The following PTPRN2 variants were observed in gnomAD, a reference collection of about 807,000 sequenced individuals.
The protein encoded by PTPRN2 is protein tyrosine phosphatase receptor type N2.
Under a neutral mutation model 118.8 loss-of-function variants are expected in PTPRN2, and 74 were observed. That is an observed-to-expected ratio of 0.62 (90% CI 0.52 to 0.76). PTPRN2 has a LOEUF of 0.76. PTPRN2 is among the 30% of genes least tolerant of loss of function. The pLI, the probability that PTPRN2 is intolerant of heterozygous loss-of-function variation, is 0.00. For synonymous variants in PTPRN2, 641 were observed against 608.0 expected, an observed-to-expected ratio of 1.05 and a Z score of -0.80; for missense variants, 1,481 against 1,394.4, an observed-to-expected ratio of 1.06 and a Z score of -0.99.
chr7:158,050,132 G>A (rs146351786), intron 11 of PTPRN2, among the ~76,000 whole-genome samples: 5 of 152,304 alleles, frequency 3.3e-5, no homozygotes, highest in African/African-American at 1.2e-4. Context: ...GTACATCAAA[G>A]TCAGAATGCT....
intron 11 of PTPRN2, chr7:158,031,250 C>G (rs1190396222): frequency 6.6e-6 from 1 of 152,176 alleles, no homozygotes; most frequent in Non-Finnish European, 1.5e-5. Context: ...TCGATCTCAC[C>G]GTGATGGAGA....
chr7:158,496,141 G>T (rs1275899770), intron 1 of PTPRN2, among the ~76,000 whole-genome samples: 1 of 151,736 alleles, frequency 6.6e-6, no homozygotes, highest in East Asian at 2.0e-4. Flanking sequence ...ACATGAGAGG[G>T]ACTGACTGCT....
intron 10 of PTPRN2, among the ~76,000 whole-genome samples, chr7:158,107,808 T>C (rs1364370874): frequency 5.9e-5 from 9 of 151,750 alleles, no homozygotes; most frequent in Admixed American, 5.9e-4. Context: ...CCCATGAACA[T>C]GCCCCCTCTT....
chr7:158,052,197 A>C (rs1364670935), intron 11 of PTPRN2, among the ~76,000 whole-genome samples: 1 of 152,212 alleles, frequency 6.6e-6, no homozygotes, highest in African/African-American at 2.4e-5. Context: ...TACGGGAGGA[A>C]ATGTTTTTGT....
At chr7:158,016,111 G>A (rs1375943204) in intron 11 of PTPRN2, among the ~76,000 whole-genome samples, 4 of 152,206 alleles carry the variant, frequency 2.6e-5, no homozygotes, top group African/African-American at 9.7e-5. Flanking sequence ...CTCGTAATCA[G>A]CAAATCAACA....
At chr7:157,797,576 C>T (rs904644353) in intron 12 of PTPRN2, among the ~76,000 whole-genome samples, 7 of 152,138 alleles carry the variant, frequency 4.6e-5, no homozygotes, top group African/African-American at 1.4e-4. Context: ...TTCCAAGGCC[C>T]GGACGGGAGG....
chr7:158,201,291 G>C (rs750423224), intron 4 of PTPRN2, among the ~76,000 whole-genome samples: 2 of 152,094 alleles, frequency 1.3e-5, no homozygotes, highest in Non-Finnish European at 2.9e-5. Flanking sequence ...ACTAAGCTCT[G>C]ATTTTTTCTC....
rs566596138 is a variant in PTPRN2, at chr7:158,100,283, C to G, written c.1643+10546G>C. 1.5e-3 allele frequency among the ~76,000 whole-genome samples: 216 copies of G among 147,456 alleles called. 1 individual carries two copies. Among genetic ancestry groups the G allele is most frequent in the African/African-American group, 4.8e-3 (190 of 39,644 alleles). On this transcript the variant is annotated intron_variant, in intron 10 of 22. Coordinates refer to ENST00000389418, the MANE Select transcript of PTPRN2 (RefSeq NM_002847.5). ...TGTGTGTGTGTGTGTGTGTGTGCCA[C>G]GATTTCTTTATCTACTCATTGATTG...
intron 21 of PTPRN2, among the ~76,000 whole-genome samples, chr7:157,558,303 G>A (rs753692925): frequency 2.6e-5 from 4 of 152,106 alleles, no homozygotes; most frequent in Non-Finnish European, 5.9e-5. Context: ...GGAGCAGCAC[G>A]AGAGCCCCAA....
chr7:158,371,715 G>A (rs866302605), intron 2 of PTPRN2, among the ~76,000 whole-genome samples: 46 of 152,062 alleles, frequency 3.0e-4, no homozygotes, highest in African/African-American at 1.0e-3. Context: ...ATTCATATGC[G>A]GAAAACCGTT....
chr7:158,004,409 A>G (rs1805504459), intron 11 of PTPRN2, among the ~76,000 whole-genome samples: 1 of 152,230 alleles, frequency 6.6e-6, no homozygotes, highest in South Asian at 2.1e-4. Flanking sequence ...TTAAAAAACC[A>G]GCAGATTAAA....
At chr7:157,584,169 G>A (rs1390986924) in intron 17 of PTPRN2, among the ~76,000 whole-genome samples, 1 of 152,156 alleles carries the variant, frequency 6.6e-6, no homozygotes, top group Non-Finnish European at 1.5e-5. Flanking sequence ...ATAGTGAAAC[G>A]CCAGGCCATT....
At chr7:158,197,935 C>T (rs1391125918) in intron 4 of PTPRN2, among the ~76,000 whole-genome samples, 4 of 152,158 alleles carry the variant, frequency 2.6e-5, no homozygotes, top group African/African-American at 9.7e-5. Context: ...AACAATATCA[C>T]TTTTCAAGTT....
intron 2 of PTPRN2, among the ~76,000 whole-genome samples, chr7:158,325,603 G>A (rs1183620327): frequency 3.9e-5 from 6 of 152,204 alleles, no homozygotes; most frequent in African/African-American, 9.7e-5. Flanking sequence ...TCAGAACAAA[G>A]TTCTTGAATT....
At chr7:157,988,595 C>T (rs969532619) in intron 11 of PTPRN2, among the ~76,000 whole-genome samples, 5 of 152,208 alleles carry the variant, frequency 3.3e-5, no homozygotes, top group African/African-American at 7.2e-5. Context: ...GTGAGTCAGA[C>T]GGGTGCAAAC....
chr7:158,042,884 T>A (rs1339570027), intron 11 of PTPRN2, among the ~76,000 whole-genome samples: 3 of 152,246 alleles, frequency 2.0e-5, no homozygotes, highest in Non-Finnish European at 4.4e-5. Flanking sequence ...TGTATTATGC[T>A]GTTTTCATAA....
Position 158,525,832 on chromosome 7 carries a change from T to C in PTPRN2, c.113-36047A>G, listed in dbSNP as rs1824734766. Among the ~76,000 whole-genome samples, 1 of 152,108 alleles carries C rather than the reference T, an allele frequency of 6.6e-6. No individual in the cohort carries two copies. The highest frequency in any genetic ancestry group is 1.5e-5 in the Non-Finnish European group (1 of 68,032). On this transcript the variant is annotated intron_variant, in intron 1 of 22. Transcript: ENST00000389418. The surrounding 1 kb of genome is among the most constrained non-coding windows in gnomAD (Gnocchi z 4.1). ...GCTCACACAGTGTGGAAGCTCCCGC[T>C]TCAGCAAGAGGAAAGCCCCGATGAT...
intron 4 of PTPRN2, among the ~76,000 whole-genome samples, chr7:158,194,056 A>G (rs1050931225): frequency 6.6e-6 from 1 of 152,152 alleles, no homozygotes; most frequent in African/African-American, 2.4e-5. Flanking sequence ...GCTGTGCTCC[A>G]GCCTCAGGCA....
At chr7:157,757,443 C>A (rs905196028) in intron 12 of PTPRN2, among the ~76,000 whole-genome samples, 11 of 152,074 alleles carry the variant, frequency 7.2e-5, no homozygotes, top group Non-Finnish European at 1.5e-4. Flanking sequence ...TCTCGGCGGC[C>A]GGTGGGGACA....
Sources: gnomAD v4.1 joint callset for allele counts (sites outside exome capture counted in the v4.1 genomes callset) on GRCh38, gnomAD v4.1.1 for gene constraint, Gnocchi (gnomAD v3.1) non-coding constraint, MANE v1.5 for transcripts, NCBI Gene and HGNC (gene_info 2026-07-23, HGNC 2026-07-21) for gene names.